The following KCNG2 variants were observed in gnomAD, a reference collection of about 807,000 sequenced individuals.
The protein encoded by KCNG2 is potassium voltage-gated channel modifier subfamily G member 2.
KCNG2 carries 7 observed loss-of-function variants against 12.3 expected under a neutral mutation model. The observed-to-expected ratio is 0.57, with a 90% confidence interval of 0.32 to 1.07. The LOEUF (loss-of-function observed/expected upper bound fraction) is 1.07, where lower values mean the gene tolerates loss of function less well. KCNG2 is among the 50% of genes least tolerant of loss of function. The pLI is 0.04. For missense variants in KCNG2, 703 were observed against 726.0 expected, an observed-to-expected ratio of 0.97 and a Z score of 0.36; for synonymous variants, 414 against 351.4, an observed-to-expected ratio of 1.18 and a Z score of -1.99.
intron 3 of KCNG2, among the ~76,000 whole-genome samples, chr18:79,871,806 G>A (rs35662980): frequency 0.35 from 53,597 of 152,224 alleles, 11,214 homozygotes; most frequent in Non-Finnish European, 0.45. Flanking sequence ...GAGGCCACAG[G>A]CCTGAGCAAA....
At position 79,862,805 on chromosome 18, in the gene KCNG2, C is replaced by T. The variant is rs1422946793; in HGVS notation, c.-40-823C>T. The stretch of plus-strand genomic sequence containing the variant: ...GGCTGCCTTTGCACAGACGGAGTTC[C>T]AAGACACCGGAGATGAAGGCAGGAG... On this transcript the variant is annotated intron_variant, in intron 2 of 3. Coordinates refer to ENST00000316249, the MANE Select transcript of KCNG2 (RefSeq NM_012283.2). Among the ~76,000 whole-genome samples, 6 of 152,330 alleles carry T rather than the reference C, an allele frequency of 3.9e-5. No homozygotes were observed. In the East Asian group the frequency reaches 1.2e-3, roughly 29 times the overall value.
chr18:79,828,637 CTGTG>C (rs1241912690), intron 1 of KCNG2, among the ~76,000 whole-genome samples: 12 of 150,244 alleles, frequency 8.0e-5, no homozygotes, highest in Non-Finnish European at 1.0e-4. Flanking sequence ...GTTCATGTGT[CTGTG>C]TGTATGTCTG....
At chr18:79,883,103 C>T (rs926160501) in intron 3 of KCNG2, among the ~76,000 whole-genome samples, 2 of 152,236 alleles carry the variant, frequency 1.3e-5, no homozygotes, top group Non-Finnish European at 2.9e-5. Context: ...CCACGGTGCG[C>T]GGTGAAAAGC....
chr18:79,854,719 G>A (rs1978950323), intron 1 of KCNG2, among the ~76,000 whole-genome samples: 1 of 152,048 alleles, frequency 6.6e-6, no homozygotes, highest in Non-Finnish European at 1.5e-5. Flanking sequence ...TAGAGACGAG[G>A]TTTCACCGTG....
intron 1 of KCNG2, among the ~76,000 whole-genome samples, chr18:79,848,676 G>C (rs1247406415): frequency 6.6e-6 from 1 of 152,232 alleles, no homozygotes; most frequent in African/African-American, 2.4e-5. Context: ...GCAGCCGCGT[G>C]GGGGAAGGAG....
At chr18:79,821,940 G>A (rs190533571) in intron 1 of KCNG2, among the ~76,000 whole-genome samples, 48 of 152,214 alleles carry the variant, frequency 3.2e-4, no homozygotes, top group African/African-American at 1.2e-3. Flanking sequence ...ATTTTAGGAC[G>A]GGCTTTTTCA....
intron 1 of KCNG2, among the ~76,000 whole-genome samples, chr18:79,849,504 C>CA (rs1568255073): frequency 1.3e-5 from 2 of 152,380 alleles, no homozygotes; most frequent in Non-Finnish European, 2.9e-5. Flanking sequence ...CGCATCTGGA[C>CA]AGGCCGCACC....
intron 3 of KCNG2, among the ~76,000 whole-genome samples, chr18:79,890,546 A>T (rs938857843): frequency 1.3e-5 from 2 of 152,146 alleles, no homozygotes; most frequent in African/African-American, 2.4e-5. Flanking sequence ...TTTAGCTCGC[A>T]CTTACGAGTG....
At chr18:79,896,711 T>G (rs11661528) in intron 3 of KCNG2, among the ~76,000 whole-genome samples, 126,491 of 152,224 alleles carry the variant, frequency 0.83, 54,938 homozygotes, top group Non-Finnish European at 0.95. Flanking sequence ...ATCATCTGGG[T>G]TCACTTGCTT....
chr18:79,838,098 TCTCAGGAGAA>T (rs1978356211), intron 1 of KCNG2, among the ~76,000 whole-genome samples: 1 of 152,088 alleles, frequency 6.6e-6, no homozygotes, highest in Admixed American at 6.5e-5. Context: ...AACCATCAAA[TCTCAGGAGAA>T]CTTGCTATCA....
At chr18:79,830,913 C>T (rs1978294512) in intron 1 of KCNG2, among the ~76,000 whole-genome samples, 1 of 99,426 alleles carries the variant, frequency 1.0e-5, no homozygotes, top group Non-Finnish European at 2.1e-5. Flanking sequence ...TCCCTGCGGA[C>T]AGAGCCTTCG....
At chr18:79,866,645 G>A in intron 3 of KCNG2, among the ~76,000 whole-genome samples, 1 of 142,902 alleles carries the variant, frequency 7.0e-6, no homozygotes, top group East Asian at 2.2e-4. Context: ...TCTGTTTTCT[G>A]AGAGGTCTGG....
chr18:79,807,965 G>A (rs374298316), intron 1 of KCNG2, among the ~76,000 whole-genome samples: 3 of 47,868 alleles, frequency 6.3e-5, no homozygotes, highest in Admixed American at 2.0e-4. Flanking sequence ...TGCCGGGGCC[G>A]CGCTGACCAC....
Position 79,872,229 on chromosome 18 carries a change from C to CAAAAA in KCNG2, c.624+7949_624+7953dup, listed in dbSNP as rs747975244. ...GTTTTGGATTTTCACTTTAGTCTGG[C>CAAAAA]AAAAAAAAAAAAAAAGCTAAAATCC... On this transcript the variant is annotated intron_variant, in intron 3 of 3. Coordinates refer to ENST00000316249, the MANE Select transcript of KCNG2 (RefSeq NM_012283.2). 8.5e-4 allele frequency among the ~76,000 whole-genome samples: 69 copies of CAAAAA among 81,576 alleles called. 1 individual carries two copies. Among genetic ancestry groups the CAAAAA allele is most frequent in the Admixed American group, 7.9e-3 (56 of 7,118 alleles). The allele number at this position is 81,576 out of a possible 152,430, so 53.5% of individuals were successfully genotyped here. A position where few individuals can be genotyped will look rare whatever the true frequency, so the allele number is the denominator to read the frequency against.
intron 3 of KCNG2, among the ~76,000 whole-genome samples, chr18:79,888,397 C>T (rs1042814808): frequency 8.0e-5 from 12 of 149,260 alleles, no homozygotes; most frequent in Middle Eastern, 3.5e-3. Flanking sequence ...GCGGTGGGGC[C>T]GGGACGGCGG....
rs192718539 is a variant in KCNG2, at chr18:79,834,397, C to A, written c.-114-21982C>A. On this transcript the variant is annotated intron_variant, in intron 1 of 3. Transcript: ENST00000316249. ...CTGGCCACATGCTTCTGACACACAC[C>A]CATCCATCATTTCCGGTACAAGGCC... Among the ~76,000 whole-genome samples the A allele has an allele frequency of 1.8e-3, 270 of 152,260 alleles. 1 individual carries two copies. Among genetic ancestry groups the A allele is most frequent in the Middle Eastern group, 6.8e-3 (2 of 292 alleles).
rs554429235 is a variant in KCNG2, at chr18:79,895,967, T to C, written c.625-3073T>C. ...ATTTTAATTCCACTAATTAGATATA[T>C]ATATGTATTTTTTTTTGAGATGGAG... is the stretch of plus-strand genomic sequence containing the variant. On this transcript the variant is annotated intron_variant, in intron 3 of 3. Transcript: ENST00000316249. Among the ~76,000 whole-genome samples, 79 of 152,330 alleles carry C rather than the reference T, an allele frequency of 5.2e-4. 2 individuals are homozygous for C. In the South Asian group the frequency reaches 0.016, roughly 30 times the overall value.
At chr18:79,807,487 C>T (rs1046487390) in intron 1 of KCNG2, among the ~76,000 whole-genome samples, 15 of 152,250 alleles carry the variant, frequency 9.9e-5, no homozygotes, top group Admixed American at 3.3e-4. Context: ...CGTCACCCCA[C>T]CGGGATTTTT....
At chr18:79,896,153 A>G (rs1003873177) in intron 3 of KCNG2, among the ~76,000 whole-genome samples, 13 of 151,986 alleles carry the variant, frequency 8.6e-5, no homozygotes, top group African/African-American at 2.9e-4. Context: ...TTTAGTAGAG[A>G]CAGGGTTTTG....
Sources: allele counts gnomAD v4.1 joint callset (sites outside exome capture counted in the v4.1 genomes callset), GRCh38; gene constraint gnomAD v4.1.1; transcripts MANE v1.5; gene names NCBI Gene and HGNC (gene_info 2026-07-23, HGNC 2026-07-21).